Variants in ESYT3 observed in about 807,000 individuals in gnomAD.
ESYT3 encodes extended synaptotagmin-3.
A neutral mutation model predicts 111.5 loss-of-function variants in ESYT3; 101 were observed. That is an observed-to-expected ratio of 0.91 (90% CI 0.77 to 1.07). The LOEUF (loss-of-function observed/expected upper bound fraction) is 1.07, where lower values mean the gene tolerates loss of function less well. Among genes scored for constraint, ESYT3 ranks in the 50% least tolerant of loss-of-function variants. The probability of loss-of-function intolerance (pLI) is 0.00; values close to 1 mark genes in which losing one functional copy is unlikely to be tolerated. For synonymous variants in ESYT3, 416 were observed against 446.8 expected (o/e 0.93, Z 0.87); for missense variants, 1,097 against 1,109.4 (o/e 0.99, Z 0.16).
chr3:138,472,450 G>A lies in ESYT3; in HGVS notation c.1828G>A (p.Ala610Thr). The change falls in exon 18 of 23, where the codon GCT becomes ACT. Residue 610 changes from alanine (A) to threonine (T), a missense_variant. Transcript: ENST00000389567. ...KKGPLLIKKVATNQGPKAQPQ... is the reference protein window; with the variant it reads ...KKGPLLIKKVTTNQGPKAQPQ... The stretch of plus-strand genomic sequence containing the variant: ...AGGCCCTCTGCTCATCAAGAAAGTG[G>A]CTACCAACCAGGGTCCCAAAGCCCA... 6.2e-7 allele frequency: 1 copy of A among 1,614,200 alleles called. No homozygotes were observed. Among genetic ancestry groups the A allele is most frequent in the Non-Finnish European group, 8.5e-7 (1 of 1,180,038 alleles).
chr3:138,435,113 C>T lies in ESYT3; in HGVS notation c.315C>T (p.His105=). 2.5e-6 allele frequency: 4 copies of T among 1,583,320 alleles called. No homozygotes were observed. The highest frequency in any genetic ancestry group is 1.8e-5 in the Admixed American group (1 of 56,898). The change falls in exon 1 of 23, where the codon CAC becomes CAT. Residue 105 remains histidine, a synonymous_variant. Coordinates refer to ENST00000389567, the MANE Select transcript of ESYT3 (RefSeq NM_031913.5). The surrounding 1 kb of genome is among the most constrained non-coding windows in gnomAD (Gnocchi z 4.8). ...EFISRELRGQ[H]LPAWIHFPDV... ...TCAGCCGCGAGCTGCGGGGCCAGCA[C>T]CTGCCAGCCTGGGTGAGCCAAGCCG...
intron 17 of ESYT3, among the ~76,000 whole-genome samples, chr3:138,471,952 C>T (rs1007386136): frequency 2.0e-5 from 3 of 152,146 alleles, no homozygotes; most frequent in African/African-American, 7.2e-5. Flanking sequence ...GCTGGTAGGC[C>T]GAATAATTTT....
chr3:138,447,089 T>C (rs1004259878), intron 1 of ESYT3, among the ~76,000 whole-genome samples: 2 of 149,626 alleles, frequency 1.3e-5, no homozygotes, highest in Admixed American at 6.6e-5. Context: ...ACTTGAAATA[T>C]AAATCAACAA....
chr3:138,473,011 C>A, intron 18 of ESYT3, 152 bp downstream of exon 18: 1 of 1,483,402 alleles, frequency 6.7e-7, no homozygotes, highest in Middle Eastern at 1.9e-4. Context: ...AGAAAGAACA[C>A]AGGACAAGGG....
Position 138,455,266 on chromosome 3 carries a change from A to G in ESYT3, c.442A>G (p.Ile148Val), listed in dbSNP as rs528428290. 3.2e-5 allele frequency: 51 copies of G among 1,614,152 alleles called. No homozygotes were observed. The African/African-American group carries it at 5.7e-4, about 18-fold the overall frequency. ...GTTCCGGGAGAAACTTGAGCCCAAG[A>G]TCCGAGAGAAGAGCATCCACCTGAG... ...SKFREKLEPK[I>V]REKSIHLRTF... Residue 148 changes from isoleucine (I) to valine (V), a missense_variant, in exon 3 of 23, where the codon ATC becomes GTC. Ile to Val is a conservative substitution (Grantham distance 29). Coordinates refer to ENST00000389567, the MANE Select transcript of ESYT3 (RefSeq NM_031913.5).
chr3:138,472,629 G>C lies in ESYT3; in HGVS notation c.2007G>C (p.Lys669Asn). ...SQETGPEPKG[K>N]DSAKRFCEPI... ...AGACAGGCCCAGAGCCTAAAGGCAA[G>C]GACAGTGCCAAAAGGTTCTGTGAGC... Residue 669 changes from lysine (K) to asparagine (N), a missense_variant, in exon 18 of 23, where the codon AAG becomes AAC. Coordinates refer to ENST00000389567, the MANE Select transcript of ESYT3 (RefSeq NM_031913.5). The C allele has an allele frequency of 6.2e-7, 1 of 1,614,224 alleles. No individual in the cohort carries two copies. Among genetic ancestry groups the C allele is most frequent in the Non-Finnish European group, 8.5e-7 (1 of 1,180,038 alleles).
At chr3:138,476,078 G>A (rs979932979) in intron 20 of ESYT3, 145 bp from the exon 21 acceptor site, 5 of 619,358 alleles carry the variant, frequency 8.1e-6, no homozygotes, top group South Asian at 4.0e-5. Flanking sequence ...ATGATACATC[G>A]TGAGTAGTTA....
intron 1 of ESYT3, among the ~76,000 whole-genome samples, chr3:138,438,785 C>T (rs1488771113): frequency 6.6e-6 from 1 of 152,220 alleles, no homozygotes; most frequent in Non-Finnish European, 1.5e-5. Flanking sequence ...GGTCCCCAGC[C>T]ATGGGAGATA....
In ESYT3 at chr3:138,434,722, A is replaced by C; in HGVS notation, c.-77A>C. ...GTCCTGGTCCTCGAGCTTGGGAGACAGATGCGCATGGGCGTGGGGGCATGC... is the reference window on the plus strand; with the variant it reads ...GTCCTGGTCCTCGAGCTTGGGAGACCGATGCGCATGGGCGTGGGGGCATGC... On this transcript the variant is annotated 5_prime_UTR_variant, in exon 1 of 23. Coordinates refer to ENST00000389567, the MANE Select transcript of ESYT3 (RefSeq NM_031913.5). 7.8e-7 allele frequency: 1 copy of C among 1,274,600 alleles called. No homozygotes were observed. The highest frequency in any genetic ancestry group is 1.0e-6 in the Non-Finnish European group (1 of 955,468). The allele number at this position is 1,274,600 out of a possible 1,614,324, so 79.0% of individuals were successfully genotyped here.
chr3:138,435,489 C>T lies in ESYT3; in HGVS notation c.327+364C>T, dbSNP rs539449297. 2.6e-5 allele frequency among the ~76,000 whole-genome samples: 4 copies of T among 152,350 alleles called. No homozygotes were observed. The East Asian group carries it at 7.7e-4, about 29-fold the overall frequency. ...TTGGAATCAGAAGGCATTTCTTCCA[C>T]CCGCCTGTTGATTCAGAGAACGAAC... On this transcript the variant is annotated intron_variant, in intron 1 of 22. Coordinates refer to ENST00000389567, the MANE Select transcript of ESYT3 (RefSeq NM_031913.5). The surrounding 1 kb of genome is among the most constrained non-coding windows in gnomAD (Gnocchi z 4.8).
At chr3:138,459,075 G>A (rs562587105) in intron 4 of ESYT3, 112 bp from the exon 5 acceptor site, 40 of 769,972 alleles carry the variant, frequency 5.2e-5, no homozygotes, top group African/African-American at 1.6e-4. Context: ...GCTCAGGGTC[G>A]GCAACTGGCT....
At chr3:138,465,806 G>A (rs2032900254) in intron 10 of ESYT3, among the ~76,000 whole-genome samples, 1 of 152,202 alleles carries the variant, frequency 6.6e-6, no homozygotes, top group East Asian at 1.9e-4. Context: ...CAGCCCTTCA[G>A]GGGTATGAGA....
rs13095961 is a variant in ESYT3 at position 138,451,946 on chromosome 3, T to A, written c.328-102T>A. ...AGGCGGCGGGGAGGAAGGGTTGAGG[T>A]GCAGCGCGTGGGCGGAATGGGAAGC... On this transcript the variant is annotated intron_variant, in intron 1 of 22. Transcript: ENST00000389567. The A allele has an allele frequency of 4.0e-5, 51 of 1,269,812 alleles. No homozygotes were observed. In the East Asian group the frequency reaches 7.3e-4, roughly 18 times the overall value. The allele number at this position is 1,269,812 out of a possible 1,614,324, so 78.7% of individuals were successfully genotyped here.
intron 19 of ESYT3, among the ~76,000 whole-genome samples, 164 bp downstream of exon 19, chr3:138,473,798 A>G (rs1023331615): frequency 3.9e-5 from 6 of 152,188 alleles, no homozygotes; most frequent in Non-Finnish European, 1.5e-5. Context: ...CAAGTCCTCA[A>G]AGGGGCACTT....
intron 1 of ESYT3, among the ~76,000 whole-genome samples, chr3:138,446,082 A>G (rs2031519262): frequency 6.6e-6 from 1 of 152,180 alleles, no homozygotes; most frequent in Admixed American, 6.5e-5. Flanking sequence ...AAGGGGAATA[A>G]TGATTTATAG....
chr3:138,480,424 T>C (rs1200032609), downstream of ESYT3: 1 of 152,122 alleles, frequency 6.6e-6, no homozygotes, highest in Non-Finnish European at 1.5e-5. Context: ...AGGGCAAAAA[T>C]AGGTACATCT....
Position 138,434,668 on chromosome 3 carries a change from A to G in ESYT3, c.-131A>G, listed in dbSNP as rs921232256. 6 of 803,224 alleles carry G rather than the reference A, an allele frequency of 7.5e-6. No individual in the cohort carries two copies. The highest frequency in any genetic ancestry group is 1.1e-5 in the Non-Finnish European group (6 of 540,968). The allele number at this position is 803,224 out of a possible 1,614,324, so 49.8% of individuals were successfully genotyped here. On this transcript the variant is annotated 5_prime_UTR_variant, in exon 1 of 23. Coordinates refer to ENST00000389567, the MANE Select transcript of ESYT3 (RefSeq NM_031913.5). ...AGAGAACCCTGAGCTCGGCGCGCCG[A>G]GAGTCCCAGCAGGGCAAGGGGGCGC...
chr3:138,464,946 C>G (rs930862343), intron 9 of ESYT3, among the ~76,000 whole-genome samples: 1 of 152,168 alleles, frequency 6.6e-6, no homozygotes, highest in Non-Finnish European at 1.5e-5. Context: ...CTCAACTTCT[C>G]CTCTCAATAT....
intron 2 of ESYT3, among the ~76,000 whole-genome samples, chr3:138,454,025 G>C (rs547489102): frequency 1.2e-4 from 18 of 152,326 alleles, no homozygotes; most frequent in Admixed American, 1.2e-3. Context: ...GACACGTCTG[G>C]TAATGTGAAA....
Sources: allele counts gnomAD v4.1 joint callset (sites outside exome capture counted in the v4.1 genomes callset), GRCh38; gene constraint gnomAD v4.1.1; non-coding constraint Gnocchi (gnomAD v3.1); transcripts MANE v1.5; gene names NCBI Gene and HGNC (gene_info 2026-07-23, HGNC 2026-07-21).